Variants in MDN1 observed in about 807,000 individuals in gnomAD.
MDN1 encodes the protein midasin.
A neutral mutation model predicts 669.2 loss-of-function variants in MDN1; 266 were observed. The ratio of observed to expected loss-of-function variants is 0.40; its 90% CI spans 0.36 to 0.44. MDN1 has a LOEUF of 0.44. MDN1 is among the 20% of genes least tolerant of loss of function. The pLI is 1.00. For missense variants in MDN1, 5,940 were observed against 6,754.0 expected (o/e 0.88, Z 4.22); for synonymous variants, 2,385 against 2,457.1 (o/e 0.97, Z 0.87).
At chr6:89,805,763 A>C (rs2128329936) in intron 1 of MDN1, among the ~76,000 whole-genome samples, 1 of 152,274 alleles carries the variant, frequency 6.6e-6, no homozygotes, top group Non-Finnish European at 1.5e-5. Flanking sequence ...ATTAGGGAAA[A>C]ATGTTACCTT....
At chr6:89,812,911 C>T (rs1768533239) in intron 1 of MDN1, among the ~76,000 whole-genome samples, 1 of 151,792 alleles carries the variant, frequency 6.6e-6, no homozygotes, top group Admixed American at 6.6e-5. Context: ...CCAGCCTGGG[C>T]AACAAAGTGA....
chr6:89,701,268 C>T (rs1236492114), intron 55 of MDN1, among the ~76,000 whole-genome samples: 1 of 152,176 alleles, frequency 6.6e-6, no homozygotes, highest in East Asian at 1.9e-4. Context: ...TCACTATTTA[C>T]ACAGCGTTTA....
intron 74 of MDN1, among the ~76,000 whole-genome samples, chr6:89,679,224 A>G (rs1811439398): frequency 2.6e-5 from 4 of 152,180 alleles, no homozygotes; most frequent in Admixed American, 2.0e-4. Context: ...GCTCCATTTT[A>G]CAGACTTCAA....
chr6:89,720,531 T>C (rs776210418), intron 40 of MDN1, among the ~76,000 whole-genome samples: 3 of 152,064 alleles, frequency 2.0e-5, no homozygotes, highest in Admixed American at 6.6e-5. Flanking sequence ...TGACCTTGTC[T>C]CCCCCGCTAG....
At chr6:89,762,242 C>T (rs568149164) in intron 16 of MDN1, 77 bp downstream of exon 16, 185 of 1,244,312 alleles carry the variant, frequency 1.5e-4, no homozygotes, top group Admixed American at 2.4e-4. Context: ...TATCGCTTTA[C>T]TCTTCCCCAA....
intron 26 of MDN1, among the ~76,000 whole-genome samples, chr6:89,748,063 A>T (rs1816754555): frequency 6.6e-6 from 1 of 151,824 alleles, no homozygotes; most frequent in Non-Finnish European, 1.5e-5. Flanking sequence ...GCAGTGGCTC[A>T]CACCTGTAAT....
At chr6:89,661,747 G>A (rs1021960706) in intron 87 of MDN1, among the ~76,000 whole-genome samples, 169 bp from the exon 88 acceptor site, 2 of 152,064 alleles carry the variant, frequency 1.3e-5, no homozygotes, top group African/African-American at 4.8e-5. Flanking sequence ...CTTTCATGTT[G>A]GAATCTCAGA....
chr6:89,792,801 C>T (rs181654481), intron 5 of MDN1, among the ~76,000 whole-genome samples: 1 of 151,332 alleles, frequency 6.6e-6, no homozygotes, highest in African/African-American at 2.4e-5. Context: ...CAGGGGGTCA[C>T]GAGGTCAGGC....
chr6:89,786,639 C>T (rs912930346), intron 8 of MDN1, among the ~76,000 whole-genome samples: 3 of 151,580 alleles, frequency 2.0e-5, no homozygotes, highest in African/African-American at 4.8e-5. Context: ...ACAAAAGTAA[C>T]AGGATTGGGC....
chr6:89,644,159 T>C lies in MDN1; in HGVS notation c.16637A>G (p.Lys5546Arg). The C allele has an allele frequency of 6.2e-7, 1 of 1,612,252 alleles. No homozygotes were observed. Among genetic ancestry groups the C allele is most frequent in the Non-Finnish European group, 8.5e-7 (1 of 1,179,438 alleles). Residue 5546 changes from lysine (K) to arginine (R), a missense_variant, in exon 102 of 102, where the codon AAA (lysine) becomes AGA (arginine). By Grantham distance (26) the Lys-to-Arg change is conservative (BLOSUM62 2). Around this residue, in one of 5 missense-constraint regions of MDN1, gnomAD observed 2,280 missense variants for 2,576.3 expected, o/e 0.88. Coordinates refer to ENST00000369393, the MANE Select transcript of MDN1 (RefSeq NM_014611.3). ...GATTTCAGGCATCTCTCCAGGTCCT[T>C]TAAATATCGGTACTTTAATGTCCAA... is the stretch of plus-strand genomic sequence containing the variant. ...SILDIKVPIF[K>R]GPGEMPEIRS... is the part of the protein sequence containing the mutation.
At chr6:89,813,924 T>TAAAAAAAAAAAAAA (rs61034558) in intron 1 of MDN1, among the ~76,000 whole-genome samples, 1 of 135,522 alleles carries the variant, frequency 7.4e-6, no homozygotes. Context: ...ACCTAAGATT[T>TAAAAAAAAAAAAAA]AAAAAAAAAA....
chr6:89,701,429 A>G, intron 55 of MDN1, 129 bp downstream of exon 55: 2 of 1,271,126 alleles, frequency 1.6e-6, no homozygotes, highest in Middle Eastern at 2.2e-4. Context: ...CCAGATGCCA[A>G]AGGAAAACTG....
rs750997828 is a variant in MDN1 at position 89,715,714 on chromosome 6, T to C, written c.6799A>G (p.Ile2267Val). Residue 2267 changes from isoleucine to valine, a missense_variant, in exon 45 of 102, where the codon ATT becomes GTT. Ile to Val is a conservative substitution (Grantham distance 29, BLOSUM62 3). Coordinates refer to ENST00000369393, the MANE Select transcript of MDN1 (RefSeq NM_014611.3). Reference sequence around the variant, plus strand: ...CCATCTATCATTCCTCTCTCACTAATAGTGAGGACACCTCCGGGTTCAAGC... The same window carrying C: ...CCATCTATCATTCCTCTCTCACTAACAGTGAGGACACCTCCGGGTTCAAGC... The part of the protein sequence containing the change: ...ALLEPGGVLT[I>V]SERGMIDGST... The C allele has an allele frequency of 5.1e-5, 82 of 1,613,838 alleles. No individual in the cohort carries two copies. In the South Asian group the frequency reaches 8.1e-4, roughly 16 times the overall value.
chr6:89,801,649 C>CA (rs142646455), intron 2 of MDN1, among the ~76,000 whole-genome samples: 31,797 of 139,510 alleles, frequency 0.23, 4,378 homozygotes, highest in East Asian at 0.66. Flanking sequence ...GACTCCGTCT[C>CA]AAAAAAAAAA....
chr6:89,805,350 T>G (rs1767948434), intron 1 of MDN1, among the ~76,000 whole-genome samples: 1 of 152,054 alleles, frequency 6.6e-6, no homozygotes. Flanking sequence ...AAGACCAGCC[T>G]GGACAACATG....
At chr6:89,801,815 A>G (rs1241763964) in intron 2 of MDN1, among the ~76,000 whole-genome samples, 1 of 151,646 alleles carries the variant, frequency 6.6e-6, no homozygotes, top group African/African-American at 2.4e-5. Context: ...AAAAAGAATT[A>G]GCCAGGTGTA....
In MDN1 at chr6:89,743,617, G is replaced by A. The variant is rs1816412052; in HGVS notation, c.4276C>T (p.Leu1426=). The A allele has an allele frequency of 6.2e-7, 1 of 1,614,020 alleles. No homozygotes were observed. The highest frequency in any genetic ancestry group is 8.5e-7 in the Non-Finnish European group (1 of 1,179,956). ...TGTCTCACTGGCCGCAGGCCACCCA[G>A]GAAGTCTGATGTCTCCATGTGTAAG... is the stretch of plus-strand genomic sequence containing the variant. ...CHLHMETSDF[L]GGLRPVRQKP... The change falls in exon 30 of 102, where the codon CTG becomes TTG. Residue 1426 remains leucine, a synonymous_variant. Transcript: ENST00000369393.
chr6:89,772,508 A>T (rs970079443), intron 14 of MDN1, 65 bp downstream of exon 14: 35 of 1,559,798 alleles, frequency 2.2e-5, no homozygotes, highest in Admixed American at 5.7e-5. Flanking sequence ...TAGTATTTTT[A>T]AAAAAGGAAA....
chr6:89,767,206 G>C (rs1207476028), intron 15 of MDN1, among the ~76,000 whole-genome samples: 1 of 152,112 alleles, frequency 6.6e-6, no homozygotes. Flanking sequence ...GGTAATGTGA[G>C]GGTCTACATG....
Sources: allele counts gnomAD v4.1 joint callset (sites outside exome capture counted in the v4.1 genomes callset), GRCh38; gene constraint gnomAD v4.1.1; regional missense constraint gnomAD v4.1.1; transcripts MANE v1.5; gene names NCBI Gene and HGNC (gene_info 2026-07-23, HGNC 2026-07-21).